Variants in CCDC25 observed in about 807,000 individuals in gnomAD.
CCDC25 encodes coiled-coil domain-containing protein 25.
In CCDC25, 16 loss-of-function variants were observed where a neutral mutation model predicts 35.3. The observed-to-expected ratio is 0.45, with a 90% CI of 0.31 to 0.69. The LOEUF (loss-of-function observed/expected upper bound fraction) is 0.69, where lower values mean the gene tolerates loss of function less well. Among genes scored for constraint, CCDC25 ranks in the 30% least tolerant of loss-of-function variants. The pLI, the probability that CCDC25 is intolerant of heterozygous loss-of-function variation, is 0.06. For missense variants in CCDC25, 179 were observed against 250.7 expected (o/e 0.71, Z 1.93); for synonymous variants, 79 against 80.3 (o/e 0.98, Z 0.09).
intron 8 of CCDC25, 134 bp downstream of exon 8, chr8:27,740,338 G>T: frequency 2.6e-6 from 2 of 759,760 alleles, no homozygotes; most frequent in Non-Finnish European, 2.2e-6. Flanking sequence ...AATCCAGCCT[G>T]AGTGGTGTCC....
At position 27,758,930 on chromosome 8, in the gene CCDC25, T is replaced by A. The variant is rs143933225; in HGVS notation, c.117-2160A>T. On this transcript the variant is annotated intron_variant, in intron 3 of 8. Transcript: ENST00000356537. ...TATACACCAATTTCAGGTTTGTATA[T>A]GATAGATACACCTCTACAAAGAGCA... 1.1e-3 allele frequency among the ~76,000 whole-genome samples: 161 copies of A among 152,234 alleles called. 1 individual carries two copies. The highest frequency in any genetic ancestry group is 3.6e-3 in the African/African-American group (148 of 41,550).
chr8:27,736,446 G>C (rs1484156662), intron 8 of CCDC25, among the ~76,000 whole-genome samples: 2 of 152,120 alleles, frequency 1.3e-5, no homozygotes, highest in Non-Finnish European at 2.9e-5. Context: ...TATTTTGTGA[G>C]GTGTCATTAC....
chr8:27,762,421 G>A lies in CCDC25; in HGVS notation c.114C>T (p.Ile38=). ...DLIKHGWPED[I]WFHVDKLSSA... Reference sequence around the variant, plus strand: ...GCAGAACCAAAATTGTTACTTACCAGATATCTTCAGGCCAGCCATGCTTGA... The same window carrying A: ...GCAGAACCAAAATTGTTACTTACCAAATATCTTCAGGCCAGCCATGCTTGA... The change falls in exon 3 of 9, where the codon ATC becomes ATT. Residue 38 remains isoleucine (I), a splice_region_variant and synonymous_variant. Coordinates refer to ENST00000356537, the MANE Select transcript of CCDC25 (RefSeq NM_018246.3). 6.2e-7 allele frequency: 1 copy of A among 1,613,156 alleles called. No homozygotes were observed. Among genetic ancestry groups the A allele is most frequent in the Non-Finnish European group, 8.5e-7 (1 of 1,179,654 alleles).
At chr8:27,743,574 C>T (rs932065658) in intron 7 of CCDC25, among the ~76,000 whole-genome samples, 7 of 152,220 alleles carry the variant, frequency 4.6e-5, no homozygotes, top group Non-Finnish European at 7.3e-5. Context: ...CTTTAGCTAT[C>T]AGAGTTTTGA....
intron 7 of CCDC25, among the ~76,000 whole-genome samples, chr8:27,741,268 G>A (rs969734104): frequency 1.3e-5 from 2 of 152,228 alleles, no homozygotes; most frequent in African/African-American, 2.4e-5. Context: ...CTAAGCCTGG[G>A]TAGAGGATCG....
chr8:27,740,593 T>G (rs1385523651), intron 7 of CCDC25, 76 bp from the exon 8 acceptor site: 1 of 1,327,688 alleles, frequency 7.5e-7, no homozygotes, highest in Non-Finnish European at 1.1e-6. Context: ...ACATTTCCTG[T>G]GTATCCAGCA....
At position 27,734,903 on chromosome 8, in the gene CCDC25, G is replaced by A. The variant is rs1803164596; in HGVS notation, c.*1313C>T. The A allele has an allele frequency of 6.6e-6, 1 of 152,118 alleles. No individual in the cohort carries two copies. The highest frequency in any genetic ancestry group is 2.1e-4 in the South Asian group (1 of 4,834). The allele number at this position is 152,118 out of a possible 1,614,324, so 9.4% of individuals were successfully genotyped here. On this transcript the variant is annotated 3_prime_UTR_variant, in exon 9 of 9. Coordinates refer to ENST00000356537, the MANE Select transcript of CCDC25 (RefSeq NM_018246.3). ...GAAGAAAGAGGCATTTAGCAGAGGA[G>A]GAGAAAGATGATAGCCCCGTACAGA...
At chr8:27,757,134 G>C (rs992868264) in intron 3 of CCDC25, among the ~76,000 whole-genome samples, 10 of 152,206 alleles carry the variant, frequency 6.6e-5, no homozygotes, top group African/African-American at 2.2e-4. Flanking sequence ...ATAGGACTTA[G>C]AGCAAAACCA....
chr8:27,769,139 T>A (rs1804501919), intron 1 of CCDC25, among the ~76,000 whole-genome samples: 1 of 152,264 alleles, frequency 6.6e-6, no homozygotes, highest in Non-Finnish European at 1.5e-5. Context: ...GTTGTTTCTA[T>A]ACTGCCAATA....
intron 7 of CCDC25, among the ~76,000 whole-genome samples, chr8:27,741,909 T>G (rs145727472): frequency 1.3e-5 from 2 of 152,160 alleles, no homozygotes; most frequent in East Asian, 3.9e-4. Context: ...TAAGAAGATA[T>G]GCCAGGTTTT....
chr8:27,766,299 C>G (rs1585376207), intron 1 of CCDC25, among the ~76,000 whole-genome samples: 1 of 152,168 alleles, frequency 6.6e-6, no homozygotes, highest in Non-Finnish European at 1.5e-5. Flanking sequence ...GTACCTGGAG[C>G]CCTGAAGGAC....
chr8:27,765,325 G>A (rs894829406), intron 1 of CCDC25, 74 bp from the exon 2 acceptor site: 7 of 1,241,976 alleles, frequency 5.6e-6, no homozygotes, highest in Middle Eastern at 2.0e-4. Flanking sequence ...AAAAACAAGT[G>A]ACAATTCTTA....
chr8:27,768,481 C>T (rs1804478497), intron 1 of CCDC25, among the ~76,000 whole-genome samples: 1 of 148,658 alleles, frequency 6.7e-6, no homozygotes, highest in South Asian at 2.1e-4. Context: ...AAGAGAATCG[C>T]TTGAACCTAG....
At position 27,765,268 on chromosome 8, in the gene CCDC25, A is replaced by G; in HGVS notation, c.29-17T>C. Reference sequence around the variant, plus strand: ...ATGAATTAACTAAGATAAAACAAAAATAAAAAACAATTAGTAACTTCATCA... The same window carrying G: ...ATGAATTAACTAAGATAAAACAAAAGTAAAAAACAATTAGTAACTTCATCA... On this transcript the variant is annotated splice_polypyrimidine_tract_variant and intron_variant, in intron 1 of 8. Transcript: ENST00000356537. The G allele has an allele frequency of 6.9e-7, 1 of 1,443,872 alleles. No homozygotes were observed. Among genetic ancestry groups the G allele is most frequent in the South Asian group, 1.3e-5 (1 of 78,432 alleles). The allele number at this position is 1,443,872 out of a possible 1,614,324, so 89.4% of individuals were successfully genotyped here.
chr8:27,762,339 T>C, intron 3 of CCDC25, 80 bp downstream of exon 3: 2 of 1,259,870 alleles, frequency 1.6e-6, no homozygotes, highest in Non-Finnish European at 2.3e-6. Flanking sequence ...GTACAAAGCA[T>C]GATTCTAGTT....
At chr8:27,743,712 AG>A (rs1803513085) in intron 7 of CCDC25, among the ~76,000 whole-genome samples, 1 of 152,204 alleles carries the variant, frequency 6.6e-6, no homozygotes, top group African/African-American at 2.4e-5. Context: ...TGGGCAACAT[AG>A]GAAGACTCCA....
intron 4 of CCDC25, among the ~76,000 whole-genome samples, chr8:27,753,903 A>C (rs1803904349): frequency 6.6e-6 from 1 of 152,212 alleles, no homozygotes. Flanking sequence ...GTAAACTAAA[A>C]AGTGAATATT....
chr8:27,765,590 C>T (rs936893724), intron 1 of CCDC25, among the ~76,000 whole-genome samples: 5 of 151,514 alleles, frequency 3.3e-5, no homozygotes, highest in African/African-American at 9.7e-5. Flanking sequence ...TCAATGGTAT[C>T]GCCAGTCCAG....
At chr8:27,752,463 C>G (rs779977514) in intron 5 of CCDC25, 49 bp downstream of exon 5, 1 of 1,383,558 alleles carries the variant, frequency 7.2e-7, no homozygotes, top group South Asian at 1.2e-5. Context: ...CCATTTCAGA[C>G]ACAGAGAAAG....
Sources: allele counts gnomAD v4.1 joint callset (sites outside exome capture counted in the v4.1 genomes callset), GRCh38; gene constraint gnomAD v4.1.1; transcripts MANE v1.5; gene names NCBI Gene and HGNC (gene_info 2026-07-23, HGNC 2026-07-21).